THAP2: variants seen among roughly 807,000 people sequenced by gnomAD.
THAP2 encodes THAP domain containing 2.
THAP2 carries 16 observed loss-of-function variants against 18.8 expected under a neutral mutation model. The ratio of observed to expected loss-of-function variants is 0.85; its 90% CI spans 0.58 to 1.29. The LOEUF (loss-of-function observed/expected upper bound fraction) is 1.29. Among genes scored for constraint, THAP2 ranks in the 50% most tolerant of loss-of-function variants. The probability of loss-of-function intolerance (pLI) is 0.00; values close to 1 mark genes in which losing one functional copy is unlikely to be tolerated. For missense variants in THAP2, 251 were observed against 265.3 expected, an observed-to-expected ratio of 0.95 and a Z score of 0.38; for synonymous variants, 80 against 89.2, an observed-to-expected ratio of 0.90 and a Z score of 0.58.
intron 1 of THAP2, among the ~76,000 whole-genome samples, chr12:71,669,451 T>C (rs1396423202): frequency 3.9e-5 from 6 of 152,218 alleles, no homozygotes; most frequent in Non-Finnish European, 7.3e-5. Context: ...GACAGTCTTA[T>C]AGTGGAAGAG....
Position 71,674,258 on chromosome 12 carries a change from A to C in THAP2, c.127A>C (p.Asn43His). 1 of 1,612,972 alleles carries C rather than the reference A, an allele frequency of 6.2e-7. No homozygotes were observed. The highest frequency in any genetic ancestry group is 2.2e-5 in the East Asian group (1 of 44,838). The change falls in exon 2 of 3, where the codon AAT (asparagine) becomes CAT (histidine). Residue 43 changes from asparagine (N) to histidine (H), a missense_variant. Asn to His is a moderately conservative substitution (Grantham distance 68). Transcript: ENST00000308086. ...KEWVRLVRRK[N>H]FVPGKHTFLC... is the part of the protein sequence containing the mutation. Reference sequence around the variant, plus strand: ...ATGGGTTCGCCTGGTTAGGCGCAAAAATTTTGTGCCAGGAAAACACACTTT... The same window carrying C: ...ATGGGTTCGCCTGGTTAGGCGCAAACATTTTGTGCCAGGAAAACACACTTT...
rs1881537632 is a variant in THAP2, at chr12:71,677,308, A to G, written c.*200A>G. ...AAAATGAGTGGAAGTGCCTTACATT[A>G]GAATTACGGACTTAAAAATTTTGCT... is the stretch of plus-strand genomic sequence containing the variant. On this transcript the variant is annotated 3_prime_UTR_variant, in exon 3 of 3. Coordinates refer to ENST00000308086, the MANE Select transcript of THAP2 (RefSeq NM_031435.4). 2.3e-6 allele frequency: 1 copy of G among 442,574 alleles called. No individual in the cohort carries two copies. The highest frequency in any genetic ancestry group is 3.7e-6 in the Non-Finnish European group (1 of 272,364). 27.4% of individuals were successfully genotyped at this position (442,574 alleles called of 1,614,324 possible).
chr12:71,673,478 CTTTTTG>C (rs1440287303), intron 1 of THAP2, among the ~76,000 whole-genome samples: 1 of 152,014 alleles, frequency 6.6e-6, no homozygotes, highest in Non-Finnish European at 1.5e-5. Flanking sequence ...AGCATTTTAC[CTTTTTG>C]TAAGTTTACT....
intron 2 of THAP2, among the ~76,000 whole-genome samples, chr12:71,675,898 T>C (rs1029633934): frequency 1.3e-5 from 2 of 151,868 alleles, no homozygotes; most frequent in African/African-American, 4.8e-5. Context: ...AGGATCAAAA[T>C]GAAGTGGAGA....
intron 1 of THAP2, among the ~76,000 whole-genome samples, chr12:71,666,940 G>A (rs925594558): frequency 1.3e-5 from 2 of 152,132 alleles, no homozygotes; most frequent in African/African-American, 2.4e-5. Flanking sequence ...CACCATATTG[G>A]CCAGGCTGGT....
intron 2 of THAP2, among the ~76,000 whole-genome samples, chr12:71,675,942 T>C (rs190792925): frequency 1.7e-4 from 26 of 152,108 alleles, no homozygotes; most frequent in Non-Finnish European, 1.2e-4. Flanking sequence ...AGAACAGATA[T>C]GATACGGGCC....
Position 71,668,835 on chromosome 12 carries a change from C to G in THAP2, c.71+4255C>G, listed in dbSNP as rs866177285. Among the ~76,000 whole-genome samples the G allele has an allele frequency of 2.6e-5, 4 of 152,308 alleles. No individual in the cohort carries two copies. In the Middle Eastern group the frequency reaches 0.01, roughly 389 times the overall value. On this transcript the variant is annotated intron_variant, in intron 1 of 2. Transcript: ENST00000308086. ...AGATAAGAATATATCCTGTTACCATCATCTTAATTTTATTGTATTTATGTG... is the reference window on the plus strand; with the variant it reads ...AGATAAGAATATATCCTGTTACCATGATCTTAATTTTATTGTATTTATGTG...
chr12:71,677,071 G>A lies in THAP2; in HGVS notation c.650G>A (p.Ser217Asn), dbSNP rs555918740. Reference sequence around the variant, plus strand: ...GATCAACAAGATAAAACACTGCTAAGTCTAAATCTAAAACAGACCAAGAGT... The same window carrying A: ...GATCAACAAGATAAAACACTGCTAAATCTAAATCTAAAACAGACCAAGAGT... ...EQDQQDKTLL[S>N]LNLKQTKSTF... The change falls in exon 3 of 3, where the codon AGT (serine) becomes AAT (asparagine). Residue 217 changes from serine to asparagine, a missense_variant. Transcript: ENST00000308086. 1.9e-6 allele frequency: 3 copies of A among 1,610,010 alleles called. No homozygotes were observed. The highest frequency in any genetic ancestry group is 2.2e-5 in the East Asian group (1 of 44,822).
chr12:71,666,375 T>G (rs1306964443), intron 1 of THAP2, among the ~76,000 whole-genome samples: 1 of 152,024 alleles, frequency 6.6e-6, no homozygotes, highest in Non-Finnish European at 1.5e-5. Context: ...CAGCTGGCCC[T>G]GGTGACGCAT....
intron 1 of THAP2, among the ~76,000 whole-genome samples, chr12:71,673,984 T>C (rs1435307448): frequency 6.6e-6 from 1 of 152,108 alleles, no homozygotes; most frequent in Non-Finnish European, 1.5e-5. Context: ...TTAAAAGCCC[T>C]GAAAAATAAA....
intron 1 of THAP2, among the ~76,000 whole-genome samples, chr12:71,670,904 C>T (rs569718227): frequency 4.1e-5 from 6 of 146,664 alleles, no homozygotes; most frequent in African/African-American, 1.5e-4. Context: ...GCACCATTCA[C>T]TCCAGCCTGG....
rs1881286698 is a variant in THAP2 at position 71,664,437 on chromosome 12, C to T, written c.-73C>T. ...GGCACGCCTGCCTCGATTGTCCAGC[C>T]TCTGCCAGAAGAAAGCTTAGCAGCC... On this transcript the variant is annotated 5_prime_UTR_variant, in exon 1 of 3. Coordinates refer to ENST00000308086, the MANE Select transcript of THAP2 (RefSeq NM_031435.4). The T allele has an allele frequency of 6.3e-7, 1 of 1,587,352 alleles. No individual in the cohort carries two copies.
At chr12:71,667,226 C>G (rs17110144) in intron 1 of THAP2, among the ~76,000 whole-genome samples, 8,854 of 152,266 alleles carry the variant, frequency 0.058, 359 homozygotes, top group South Asian at 0.087. Context: ...GAAATACTCT[C>G]TATGACACTA....
Position 71,677,688 on chromosome 12 carries a change from A to G in THAP2, c.*580A>G, listed in dbSNP as rs1160797453. The G allele has an allele frequency of 6.6e-6, 1 of 152,170 alleles. No individual in the cohort carries two copies. Among genetic ancestry groups the G allele is most frequent in the Non-Finnish European group, 1.5e-5 (1 of 68,016 alleles). 9.4% of individuals were successfully genotyped at this position (152,170 alleles called of 1,614,324 possible). A position where few individuals can be genotyped will look rare whatever the true frequency, so the allele number is the denominator to read the frequency against. On this transcript the variant is annotated 3_prime_UTR_variant, in exon 3 of 3. Transcript: ENST00000308086. ...AAGAATGATTTTAAAATAGGTTGTAAAATATTTTGAAAATATTTGAATGTG... is the reference window on the plus strand; with the variant it reads ...AAGAATGATTTTAAAATAGGTTGTAGAATATTTTGAAAATATTTGAATGTG...
chr12:71,674,032 A>G (rs574123920), intron 1 of THAP2, among the ~76,000 whole-genome samples, 171 bp from the exon 2 acceptor site: 4 of 152,312 alleles, frequency 2.6e-5, no homozygotes, highest in Admixed American at 2.0e-4. Context: ...TTTCAAACTT[A>G]TAAAACATTA....
rs1204007569 is a variant in THAP2, at chr12:71,664,328, G to A, written c.-182G>A. The A allele has an allele frequency of 6.2e-6, 4 of 642,682 alleles. No individual in the cohort carries two copies. The highest frequency in any genetic ancestry group is 5.4e-6 in the Non-Finnish European group (2 of 371,548). The allele number at this position is 642,682 out of a possible 1,614,324, so 39.8% of individuals were successfully genotyped here. ...TCGGCCATATTAATAAAGAGAAAGG[G>A]AAGGCTGACCGTCCTTCGCCTCCGC... On this transcript the variant is annotated 5_prime_UTR_variant, in exon 1 of 3. Transcript: ENST00000308086.
In THAP2 at chr12:71,664,647, AG is replaced by A. The variant is rs1881296462; in HGVS notation, c.71+69del. 1.9e-5 allele frequency: 30 copies of A among 1,550,342 alleles called. No homozygotes were observed. In the South Asian group the frequency reaches 3.3e-4, roughly 17 times the overall value. Reference sequence around the variant, plus strand: ...CTATTGTGGCTATCGCTTGTGTGGAAGGAACAGGAGGATTCTGCTAATTCTA... The same window carrying A: ...CTATTGTGGCTATCGCTTGTGTGGAAGAACAGGAGGATTCTGCTAATTCTA... On this transcript the variant is annotated intron_variant, in intron 1 of 2. Coordinates refer to ENST00000308086, the MANE Select transcript of THAP2 (RefSeq NM_031435.4).
At chr12:71,665,658 A>ACCT (rs1881323979) in intron 1 of THAP2, 1 of 152,390 alleles carries the variant, frequency 6.6e-6, no homozygotes, top group Admixed American at 6.5e-5. Context: ...TTGGAAAGTC[A>ACCT]AAGAACACTT....
At chr12:71,672,590 C>A (rs1469881301) in intron 1 of THAP2, among the ~76,000 whole-genome samples, 1 of 151,760 alleles carries the variant, frequency 6.6e-6, no homozygotes, top group African/African-American at 2.4e-5. Flanking sequence ...ACAAAAAGTG[C>A]AAGGTTTTTG....
Sources: allele counts gnomAD v4.1 joint callset (sites outside exome capture counted in the v4.1 genomes callset), GRCh38; gene constraint gnomAD v4.1.1; transcripts MANE v1.5; gene names NCBI Gene and HGNC (gene_info 2026-07-23, HGNC 2026-07-21).